The following GNAZ variants were observed in gnomAD, a reference collection of about 807,000 sequenced individuals.
GNAZ encodes guanine nucleotide-binding protein G(z) subunit alpha.
In GNAZ, 3 loss-of-function variants were observed where a neutral mutation model predicts 25.4. That is an observed-to-expected ratio of 0.12 (90% CI 0.05 to 0.30). The LOEUF (loss-of-function observed/expected upper bound fraction) is 0.30. Ranked by LOEUF, GNAZ falls within the 10% of genes least tolerant of loss-of-function variation. The pLI is 1.00. For synonymous variants in GNAZ, 211 were observed against 205.7 expected (o/e 1.03, Z -0.22); for missense variants, 241 against 501.8 (o/e 0.48, Z 4.97).
At chr22:23,120,047 G>A (rs1372907045) in intron 2 of GNAZ, among the ~76,000 whole-genome samples, 1 of 152,204 alleles carries the variant, frequency 6.6e-6, no homozygotes, top group Non-Finnish European at 1.5e-5. Flanking sequence ...GGAGATGTTT[G>A]TCTGTCCTGA....
intron 1 of GNAZ, among the ~76,000 whole-genome samples, chr22:23,083,802 ACACCACACCT>A (rs2068740171): frequency 6.6e-6 from 1 of 152,202 alleles, no homozygotes; most frequent in African/African-American, 2.4e-5. Flanking sequence ...AACCAGCGGC[ACACCACACCT>A]GTTCAAGGTC....
At chr22:23,099,685 C>G (rs2069238300) in intron 2 of GNAZ, among the ~76,000 whole-genome samples, 1 of 152,238 alleles carries the variant, frequency 6.6e-6, no homozygotes, top group Non-Finnish European at 1.5e-5. Flanking sequence ...TAGCCAGAGC[C>G]ATGGCAGAGG....
intron 2 of GNAZ, among the ~76,000 whole-genome samples, chr22:23,118,221 T>C (rs950335095): frequency 2.0e-5 from 3 of 152,208 alleles, no homozygotes; most frequent in Non-Finnish European, 4.4e-5. Context: ...GCCTGGTGGC[T>C]GAAGGCCTGG....
chr22:23,074,910 T>G (rs1432752432), intron 1 of GNAZ, among the ~76,000 whole-genome samples: 1 of 152,178 alleles, frequency 6.6e-6, no homozygotes, highest in African/African-American at 2.4e-5. Context: ...GGCGCACACC[T>G]GTAATCCTAT....
Position 23,071,226 on chromosome 22 carries a change from G to A in GNAZ, c.-450+656G>A, listed in dbSNP as rs1463628452. ...AAAGGCGGTGGGGGTGTTTGGGGGA[G>A]GGGAGTGAGGGCCTCAGGGCTGGCG... On this transcript the variant is annotated intron_variant, in intron 1 of 2. Transcript: ENST00000615612. This position sits in a 1 kb window ranked among gnomAD's most constrained non-coding sequence, Gnocchi z 4.1. Among the ~76,000 whole-genome samples the A allele has an allele frequency of 2.6e-5, 4 of 152,140 alleles. No individual in the cohort carries two copies. Among genetic ancestry groups the A allele is most frequent in the Admixed American group, 6.5e-5 (1 of 15,284 alleles).
chr22:23,096,265 C>T lies in GNAZ; in HGVS notation c.570C>T (p.Phe190=), dbSNP rs143543596. ...CCACGGGCATTGTGGAGAACAAGTT[C>T]ACCTTCAAGGAGCTCACCTTCAAGA... The part of the protein sequence containing the change: ...DMTTGIVENK[F]TFKELTFKMV... Residue 190 remains phenylalanine, a synonymous_variant, in exon 2 of 3, where the codon TTC becomes TTT. Transcript: ENST00000615612. 4.6e-4 allele frequency: 740 copies of T among 1,613,936 alleles called. 3 individuals are homozygous for T. Among genetic ancestry groups the T allele is most frequent in the Non-Finnish European group, 5.9e-4 (700 of 1,180,042 alleles).
intron 2 of GNAZ, among the ~76,000 whole-genome samples, chr22:23,119,073 G>A (rs957075952): frequency 1.3e-5 from 2 of 152,250 alleles, no homozygotes; most frequent in Non-Finnish European, 2.9e-5. Flanking sequence ...CCATATGCAT[G>A]CTTGAGTCAC....
chr22:23,099,277 G>T (rs1004888118), intron 2 of GNAZ, among the ~76,000 whole-genome samples: 2 of 152,258 alleles, frequency 1.3e-5, no homozygotes, highest in African/African-American at 4.8e-5. Flanking sequence ...AGATTTCCGG[G>T]TGTCTGTGGA....
intron 1 of GNAZ, among the ~76,000 whole-genome samples, chr22:23,081,247 G>A (rs936160850): frequency 2.6e-5 from 4 of 152,148 alleles, no homozygotes; most frequent in African/African-American, 7.2e-5. Context: ...AAAAGTAAAC[G>A]AGATGTCACG....
chr22:23,096,070 G>A lies in GNAZ; in HGVS notation c.375G>A (p.Leu125=), dbSNP rs2069115111. ...ESKGEITPEL[L]GVMRRLWADP... ...AGGGCGAGATCACACCCGAGCTGCT[G>A]GGTGTCATGCGACGGCTCTGGGCCG... Residue 125 remains leucine, a synonymous_variant, in exon 2 of 3, where the codon CTG becomes CTA. Transcript: ENST00000615612. 6.2e-7 allele frequency: 1 copy of A among 1,608,542 alleles called. No individual in the cohort carries two copies. Among genetic ancestry groups the A allele is most frequent in the Non-Finnish European group, 8.5e-7 (1 of 1,179,956 alleles).
chr22:23,081,955 C>T (rs1339956659), intron 1 of GNAZ, among the ~76,000 whole-genome samples: 1 of 150,788 alleles, frequency 6.6e-6, no homozygotes, highest in African/African-American at 2.4e-5. Context: ...GAAACCTCAT[C>T]TCTACTAAAA....
intron 2 of GNAZ, among the ~76,000 whole-genome samples, chr22:23,099,084 G>T (rs2069214647): frequency 6.6e-6 from 1 of 152,322 alleles, no homozygotes; most frequent in East Asian, 1.9e-4. Context: ...AGCTTCCAAG[G>T]CCTCATCTTC....
At chr22:23,109,940 T>C (rs900085235) in intron 2 of GNAZ, among the ~76,000 whole-genome samples, 6 of 152,166 alleles carry the variant, frequency 3.9e-5, no homozygotes, top group African/African-American at 1.4e-4. Context: ...GCAGACTGGC[T>C]CCAGGGACAG....
chr22:23,097,025 G>A (rs1182538262), intron 2 of GNAZ, among the ~76,000 whole-genome samples: 1 of 152,206 alleles, frequency 6.6e-6, no homozygotes, highest in Non-Finnish European at 1.5e-5. Context: ...GCCCAGCCAG[G>A]ACAGAAGGTC....
chr22:23,106,623 C>G (rs574438159), intron 2 of GNAZ, among the ~76,000 whole-genome samples: 1 of 152,338 alleles, frequency 6.6e-6, no homozygotes, highest in Admixed American at 6.5e-5. Context: ...ACTCTGAAGG[C>G]TCAGGCTGTA....
rs1166543661 is a variant in GNAZ at position 23,117,005 on chromosome 22, G to A, written c.724-6082G>A. ...AGGAGGCTGATGCTGGAATATGCGC[G>A]CACCTGCTGGGGGATCTGTGCGCCT... On this transcript the variant is annotated intron_variant, in intron 2 of 2. Transcript: ENST00000615612. 4.6e-5 allele frequency among the ~76,000 whole-genome samples: 7 copies of A among 152,156 alleles called. No individual in the cohort carries two copies. In the East Asian group the frequency reaches 7.7e-4, roughly 17 times the overall value.
intron 2 of GNAZ, among the ~76,000 whole-genome samples, chr22:23,120,736 C>T (rs2069996646): frequency 6.6e-6 from 1 of 152,024 alleles, no homozygotes; most frequent in South Asian, 2.1e-4. Flanking sequence ...GGAGGAAGCC[C>T]CCTACCCCAA....
chr22:23,103,408 C>T (rs1388589514), intron 2 of GNAZ, among the ~76,000 whole-genome samples: 1 of 152,172 alleles, frequency 6.6e-6, no homozygotes, highest in Non-Finnish European at 1.5e-5. Flanking sequence ...CAGGATTGAT[C>T]CGCTACTGCC....
At chr22:23,081,693 A>G (rs1347742307) in intron 1 of GNAZ, among the ~76,000 whole-genome samples, 1 of 151,998 alleles carries the variant, frequency 6.6e-6, no homozygotes, top group East Asian at 1.9e-4. Context: ...ATGGTGGTGG[A>G]CACCTGTAAT....
Sources: gnomAD v4.1 joint callset for allele counts (sites outside exome capture counted in the v4.1 genomes callset) on GRCh38, gnomAD v4.1.1 for gene constraint, Gnocchi (gnomAD v3.1) non-coding constraint, MANE v1.5 for transcripts, NCBI Gene and HGNC (gene_info 2026-07-23, HGNC 2026-07-21) for gene names.